Variants in SLC8A2 observed in about 807,000 individuals in gnomAD.
The protein encoded by SLC8A2 is sodium/calcium exchanger 2.
A neutral mutation model predicts 70.2 loss-of-function variants in SLC8A2; 14 were observed. That is an observed-to-expected ratio of 0.20 (90% CI 0.13 to 0.31). The LOEUF (loss-of-function observed/expected upper bound fraction) is 0.31. SLC8A2 is among the 10% of genes least tolerant of loss of function. The pLI is 1.00. For missense variants in SLC8A2, 779 were observed against 1,320.1 expected (o/e 0.59, Z 6.35); for synonymous variants, 575 against 594.3 (o/e 0.97, Z 0.47).
At position 47,465,840 on chromosome 19, in the gene SLC8A2, C is replaced by T. The variant is rs767443745; in HGVS notation, c.564G>A (p.Glu188=). ...AVCIYVIPAG[E]SRKIKHLRVF... ...CTCTCAGGTGCTTGATCTTGCGGCT[C>T]TCGCCGGCTGGGATGACGTAGATGC... is the stretch of plus-strand genomic sequence containing the variant. Residue 188 remains glutamate, a synonymous_variant, in exon 2 of 10, where the codon GAG becomes GAA. Coordinates refer to ENST00000236877, the MANE Select transcript of SLC8A2 (RefSeq NM_015063.3). The surrounding 1 kb of genome is among the most constrained non-coding windows in gnomAD (Gnocchi z 5.5). 2 of 1,614,206 alleles carry T rather than the reference C, an allele frequency of 1.2e-6. No homozygotes were observed. Among genetic ancestry groups the T allele is most frequent in the Non-Finnish European group, 8.5e-7 (1 of 1,180,042 alleles).
At chr19:47,469,602 G>C (rs909700836) in intron 1 of SLC8A2, among the ~76,000 whole-genome samples, 2 of 152,150 alleles carry the variant, frequency 1.3e-5, no homozygotes, top group Admixed American at 1.3e-4. Flanking sequence ...GGGGCCTTGC[G>C]AGAGGAGCAG....
intron 6 of SLC8A2, among the ~76,000 whole-genome samples, chr19:47,439,494 T>C (rs1967072107): frequency 6.6e-6 from 1 of 150,524 alleles, no homozygotes; most frequent in Non-Finnish European, 1.5e-5. Flanking sequence ...GATCGCACCA[T>C]TGCACTCTAG....
intron 3 of SLC8A2, among the ~76,000 whole-genome samples, chr19:47,450,446 T>G (rs956479167): frequency 1.3e-5 from 2 of 149,684 alleles, no homozygotes; most frequent in Non-Finnish European, 3.0e-5. Context: ...TTGTTTGAAC[T>G]GGGGAGGTGG....
intron 4 of SLC8A2, among the ~76,000 whole-genome samples, chr19:47,444,971 G>A (rs3848535): frequency 0.54 from 82,721 of 151,922 alleles, 25,916 homozygotes; most frequent in Middle Eastern, 0.68. Flanking sequence ...CCTTCCCTGG[G>A]TCAGTCTCTC....
At chr19:47,437,606 C>T (rs1482187279) in intron 7 of SLC8A2, 45 bp from the exon 8 acceptor site, 1 of 1,473,894 alleles carries the variant, frequency 6.8e-7, no homozygotes, top group South Asian at 1.1e-5. Context: ...CCTGAGCGAA[C>T]CAGGGAAGCT....
At position 47,433,653 on chromosome 19, in the gene SLC8A2, CTTTT is replaced by C. The variant is rs111488062; in HGVS notation, c.2111-1212_2111-1209del. 2.1e-3 allele frequency among the ~76,000 whole-genome samples: 297 copies of C among 144,526 alleles called. 3 individuals carry two copies. Among genetic ancestry groups the C allele is most frequent in the African/African-American group, 7.2e-3 (285 of 39,526 alleles). The allele number at this position is 144,526 out of a possible 152,430, so 94.8% of individuals were successfully genotyped here. A position where few individuals can be genotyped will look rare whatever the true frequency, so the allele number is the denominator to read the frequency against. On this transcript the variant is annotated intron_variant, in intron 8 of 9. Coordinates refer to ENST00000236877, the MANE Select transcript of SLC8A2 (RefSeq NM_015063.3). ...TTGACCAGCTTTTGACCTGCAGTGA[CTTTT>C]TTTTTTTTTTGAGACAGAGCCTCCC...
chr19:47,459,543 T>C lies in SLC8A2; in HGVS notation c.676-1949A>G, dbSNP rs147452578. Among the ~76,000 whole-genome samples, 6 of 152,106 alleles carry C rather than the reference T, an allele frequency of 3.9e-5. No homozygotes were observed. In the East Asian group the frequency reaches 9.7e-4, roughly 24 times the overall value. On this transcript the variant is annotated intron_variant, in intron 2 of 9. Transcript: ENST00000236877. ...GCACGTGCGTGCGCGTGTGTGCGCATGTGTGAGCGTATGTGCATGTGTATA... is the reference window on the plus strand; with the variant it reads ...GCACGTGCGTGCGCGTGTGTGCGCACGTGTGAGCGTATGTGCATGTGTATA...
chr19:47,436,221 G>T (rs1416658186), intron 8 of SLC8A2, among the ~76,000 whole-genome samples: 2 of 152,156 alleles, frequency 1.3e-5, no homozygotes, highest in Non-Finnish European at 2.9e-5. Flanking sequence ...CCTCCAGGAA[G>T]CCCTCCCTGA....
chr19:47,438,040 C>A (rs1967053679), intron 6 of SLC8A2, 67 bp from the exon 7 acceptor site: 12 of 1,589,030 alleles, frequency 7.6e-6, no homozygotes, highest in African/African-American at 1.3e-5. Flanking sequence ...GACGCCTTTA[C>A]TACCTGTCCC....
At position 47,447,683 on chromosome 19, in the gene SLC8A2, C is replaced by T. The variant is rs1341958471; in HGVS notation, c.1763+126G>A. The T allele has an allele frequency of 5.7e-6, 6 of 1,044,050 alleles. No homozygotes were observed. In the East Asian group the frequency reaches 9.0e-5, roughly 16 times the overall value. 64.7% of individuals were successfully genotyped at this position (1,044,050 alleles called of 1,614,324 possible). Reference sequence around the variant, plus strand: ...GCACGGCCACGCAGGCCCCTCCCCTCCCGAGGCCCAACCAAGACCCGCCCA... The same window carrying T: ...GCACGGCCACGCAGGCCCCTCCCCTTCCGAGGCCCAACCAAGACCCGCCCA... On this transcript the variant is annotated intron_variant, in intron 4 of 9. Transcript: ENST00000236877. This position sits in a 1 kb window ranked among gnomAD's most constrained non-coding sequence, Gnocchi z 5.1.
chr19:47,440,638 G>A (rs533114848), intron 6 of SLC8A2, among the ~76,000 whole-genome samples: 7 of 146,912 alleles, frequency 4.8e-5, no homozygotes, highest in African/African-American at 1.5e-4. Flanking sequence ...GTTCCCCAGC[G>A]TGGAGTGCAA....
chr19:47,464,979 A>G (rs1277379373), intron 2 of SLC8A2, among the ~76,000 whole-genome samples: 1 of 152,208 alleles, frequency 6.6e-6, no homozygotes, highest in Non-Finnish European at 1.5e-5. Context: ...CACTATTGGA[A>G]TAAATTATGC....
intron 8 of SLC8A2, among the ~76,000 whole-genome samples, chr19:47,435,377 G>A (rs550133158): frequency 4.9e-4 from 74 of 152,022 alleles, no homozygotes; most frequent in African/African-American, 1.7e-3. Flanking sequence ...GGGTCTCTAC[G>A]ACCGCCACCT....
At position 47,430,040 on chromosome 19, in the gene SLC8A2, G is replaced by A. The variant is rs1194851505; in HGVS notation, c.*49C>T. 1.3e-6 allele frequency: 2 copies of A among 1,527,584 alleles called. No individual in the cohort carries two copies. 94.6% of individuals were successfully genotyped at this position (1,527,584 alleles called of 1,614,324 possible). A position where few individuals can be genotyped will look rare whatever the true frequency, so the allele number is the denominator to read the frequency against. ...CCAGGGTCCAAGAGCAGGTGCAGCC[G>A]AGTCCCTAGCCCCGGGCGGGCGGTG... On this transcript the variant is annotated 3_prime_UTR_variant, in exon 10 of 10. Coordinates refer to ENST00000236877, the MANE Select transcript of SLC8A2 (RefSeq NM_015063.3). This position sits in a 1 kb window ranked among gnomAD's most constrained non-coding sequence, Gnocchi z 5.9.
chr19:47,451,723 A>G (rs116213478), intron 3 of SLC8A2, among the ~76,000 whole-genome samples: 69 of 152,308 alleles, frequency 4.5e-4, no homozygotes, highest in African/African-American at 1.7e-3. Context: ...TCCTGATACA[A>G]TGCACCCAGG....
intron 4 of SLC8A2, among the ~76,000 whole-genome samples, chr19:47,442,413 C>G (rs1287591989): frequency 2.0e-5 from 3 of 152,180 alleles, no homozygotes. Flanking sequence ...CTTAGGATGG[C>G]CCACAAGACC....
At chr19:47,433,551 T>C (rs1031023808) in intron 8 of SLC8A2, among the ~76,000 whole-genome samples, 3 of 152,208 alleles carry the variant, frequency 2.0e-5, no homozygotes, top group African/African-American at 7.2e-5. Flanking sequence ...GATGTGGGCA[T>C]TGGGTTACAG....
At position 47,459,645 on chromosome 19, in the gene SLC8A2, C is replaced by CTG. The variant is rs372934662; in HGVS notation, c.676-2053_676-2052dup. Among the ~76,000 whole-genome samples the CTG allele has an allele frequency of 1.5e-4, 22 of 151,090 alleles. No individual in the cohort carries two copies. In the South Asian group the frequency reaches 3.8e-3, roughly 26 times the overall value. On this transcript the variant is annotated intron_variant, in intron 2 of 9. Coordinates refer to ENST00000236877, the MANE Select transcript of SLC8A2 (RefSeq NM_015063.3). ...TGTATGTGTATGTGCGTGTGTCCAT[C>CTG]TGTGTGTGTGTCCTTCTGTGTGTGT...
intron 6 of SLC8A2, among the ~76,000 whole-genome samples, chr19:47,439,345 T>C (rs1967069998): frequency 1.3e-5 from 2 of 152,032 alleles, no homozygotes; most frequent in African/African-American, 4.8e-5. Context: ...CTGGCCAACA[T>C]GGTGAAACCC....
Sources: gnomAD v4.1 joint callset for allele counts (sites outside exome capture counted in the v4.1 genomes callset) on GRCh38, gnomAD v4.1.1 for gene constraint, Gnocchi (gnomAD v3.1) non-coding constraint, MANE v1.5 for transcripts, NCBI Gene and HGNC (gene_info 2026-07-23, HGNC 2026-07-21) for gene names.